The following NGLY1 variants were observed in gnomAD, a reference collection of about 807,000 sequenced individuals.
NGLY1 encodes N-glycanase 1, also known as peptide-N(4)-(N-acetyl-beta-glucosaminyl)asparagine amidase.
NGLY1 carries 68 observed loss-of-function variants against 84.6 expected under a neutral mutation model. The observed-to-expected ratio is 0.80, with a 90% CI of 0.66 to 0.98. NGLY1 has a LOEUF of 0.98. Ranked by LOEUF, NGLY1 falls within the 50% of genes least tolerant of loss-of-function variation. NGLY1 has a pLI of 0.00. For synonymous variants in NGLY1, 280 were observed against 275.2 expected (o/e 1.02, Z -0.17); for missense variants, 779 against 770.2 (o/e 1.01, Z -0.14).
Position 25,783,248 on chromosome 3 carries a change from G to A in NGLY1, c.131+12C>T, listed in dbSNP as rs368524040. 1.4e-5 allele frequency: 17 copies of A among 1,210,886 alleles called. No individual in the cohort carries two copies. Among genetic ancestry groups the A allele is most frequent in the East Asian group, 1.2e-4 (4 of 33,522 alleles). 75.0% of individuals were successfully genotyped at this position (1,210,886 alleles called of 1,614,324 possible). A position where few individuals can be genotyped will look rare whatever the true frequency, so the allele number is the denominator to read the frequency against. The stretch of plus-strand genomic sequence containing the variant: ...ACCCCGGTACCCGCCGTCCGACCCC[G>A]TTGCCCTGCACCTGAGGATGTTGTC... On this transcript the variant is annotated intron_variant, in intron 1 of 11. Transcript: ENST00000280700. The surrounding 1 kb of genome is among the most constrained non-coding windows in gnomAD (Gnocchi z 4.5).
At position 25,737,354 on chromosome 3, in the gene NGLY1, C is replaced by T. The variant is rs1705883417; in HGVS notation, c.983G>A (p.Arg328His). Residue 328 changes from arginine (R) to histidine (H), a missense_variant, in exon 6 of 12, where the codon CGC becomes CAC. Coordinates refer to ENST00000280700, the MANE Select transcript of NGLY1 (RefSeq NM_018297.4). ...TGTACCTGTGTAATCCCAAACATAG[C>T]GAGCTTCAAACCCTACAGCTCGGCA... ...LCCRAVGFEARYVWDYTDHVW... is the reference protein window; with the variant it reads ...LCCRAVGFEAHYVWDYTDHVW... 5 of 1,612,886 alleles carry T rather than the reference C, an allele frequency of 3.1e-6. No individual in the cohort carries two copies. The highest frequency in any genetic ancestry group is 1.6e-4 in the Middle Eastern group (1 of 6,074).
At position 25,783,184 on chromosome 3, in the gene NGLY1, G is replaced by T. The variant is rs1708500185; in HGVS notation, c.131+76C>A. The T allele has an allele frequency of 7.3e-7, 1 of 1,361,184 alleles. No homozygotes were observed. The highest frequency in any genetic ancestry group is 1.8e-5 in the Admixed American group (1 of 55,344). 84.3% of individuals were successfully genotyped at this position (1,361,184 alleles called of 1,614,324 possible). A position where few individuals can be genotyped will look rare whatever the true frequency, so the allele number is the denominator to read the frequency against. On this transcript the variant is annotated intron_variant, in intron 1 of 11. Transcript: ENST00000280700. The surrounding 1 kb of genome is among the most constrained non-coding windows in gnomAD (Gnocchi z 4.5). ...CTGCCCTCTGAAGCTCAGGCCGGAC[G>T]CCCCAGTCCCTGGCCGAACAAGGTG...
rs778568199 is a variant in NGLY1 at position 25,719,447 on chromosome 3, A to T, written c.*13T>A. ...CCTTGATTATTGCCAGCTTTTCTAT[A>T]ATGTTCAGGTTCTCAAAGGTCACTG... On this transcript the variant is annotated 3_prime_UTR_variant, in exon 12 of 12. Transcript: ENST00000280700. 16 of 1,610,294 alleles carry T rather than the reference A, an allele frequency of 9.9e-6. No homozygotes were observed. In the African/African-American group the frequency reaches 2.1e-4, roughly 22 times the overall value.
chr3:25,745,423 G>A (rs575888486), intron 4 of NGLY1, among the ~76,000 whole-genome samples: 3 of 152,160 alleles, frequency 2.0e-5, no homozygotes, highest in African/African-American at 7.2e-5. Flanking sequence ...ACTTCTTATC[G>A]AATTTCCAGG....
At chr3:25,730,728 A>G (rs1224103166) in intron 9 of NGLY1, among the ~76,000 whole-genome samples, 1 of 152,174 alleles carries the variant, frequency 6.6e-6, no homozygotes, top group Non-Finnish European at 1.5e-5. Context: ...CATAAAATTT[A>G]TTAGTGATAA....
chr3:25,779,133 C>T (rs1441405723), intron 1 of NGLY1, among the ~76,000 whole-genome samples: 5 of 151,838 alleles, frequency 3.3e-5, no homozygotes, highest in Admixed American at 3.3e-4. Flanking sequence ...GACAGGGTTT[C>T]ACCATGTCGA....
intron 4 of NGLY1, among the ~76,000 whole-genome samples, chr3:25,743,905 C>T (rs1321945582): frequency 6.6e-6 from 1 of 152,074 alleles, no homozygotes. Context: ...TAACTAGGGG[C>T]TCAGAGAAAT....
chr3:25,749,741 C>T (rs1706632237), intron 4 of NGLY1: 13 of 1,566,838 alleles, frequency 8.3e-6, no homozygotes, highest in South Asian at 2.2e-5. Context: ...CGTCAAGGAG[C>T]TTGAAGTGCT....
intron 7 of NGLY1, 129 bp downstream of exon 7, chr3:25,735,875 A>T: frequency 1.2e-6 from 1 of 831,178 alleles, no homozygotes; most frequent in Non-Finnish European, 1.8e-6. Context: ...TATACAAATA[A>T]AACTTATCAA....
At chr3:25,727,819 A>G (rs1202982724) in intron 10 of NGLY1, among the ~76,000 whole-genome samples, 2 of 152,284 alleles carry the variant, frequency 1.3e-5, no homozygotes, top group Admixed American at 6.5e-5. Context: ...CCCCATCATT[A>G]CTACTTTACT....
intron 1 of NGLY1, chr3:25,782,955 C>A: frequency 2.9e-6 from 1 of 340,056 alleles, no homozygotes. Flanking sequence ...TGAAGCACGC[C>A]TTCCTACCTC....
At chr3:25,750,638 T>C (rs1267377089) in intron 4 of NGLY1, among the ~76,000 whole-genome samples, 1 of 152,154 alleles carries the variant, frequency 6.6e-6, no homozygotes, top group Non-Finnish European at 1.5e-5. Context: ...TTTTGTTATA[T>C]GTATTTTACC....
intron 2 of NGLY1, among the ~76,000 whole-genome samples, chr3:25,766,476 A>G (rs889710732): frequency 6.6e-6 from 1 of 152,212 alleles, no homozygotes; most frequent in Admixed American, 6.5e-5. Flanking sequence ...TATGCTATAA[A>G]TGACTCCATC....
Position 25,729,229 on chromosome 3 carries a change from A to G in NGLY1, c.1515T>C (p.Val505=). The change falls in exon 10 of 12, where the codon GTT becomes GTC. Residue 505 remains valine, a synonymous_variant. Coordinates refer to ENST00000280700, the MANE Select transcript of NGLY1 (RefSeq NM_018297.4). ...LCYNIVKDRY[V]RVSNNNQTIS... ...TGGTTTGATTGTTATTTGAAACTCGAACATAACGATCTTTCACAATATTGT... is the reference window on the plus strand; with the variant it reads ...TGGTTTGATTGTTATTTGAAACTCGGACATAACGATCTTTCACAATATTGT... 1 of 1,560,466 alleles carries G rather than the reference A, an allele frequency of 6.4e-7. No homozygotes were observed. The highest frequency in any genetic ancestry group is 8.7e-7 in the Non-Finnish European group (1 of 1,149,234).
intron 8 of NGLY1, among the ~76,000 whole-genome samples, chr3:25,733,497 GTGTGTGTGTGTGTGTGTGTA>G (rs1378583470): frequency 1.3e-5 from 2 of 150,270 alleles, no homozygotes; most frequent in African/African-American, 4.9e-5. Flanking sequence ...GTGTGTGTGT[GTGTGTGTGTGTGTGTGTGTA>G]TGTACATACA....
intron 2 of NGLY1, among the ~76,000 whole-genome samples, chr3:25,767,838 C>T (rs891652289): frequency 6.6e-6 from 1 of 151,978 alleles, no homozygotes; most frequent in African/African-American, 2.4e-5. Flanking sequence ...AGAGGCTGGG[C>T]GGGGTGGCTC....
chr3:25,784,017 C>T (rs1312530175), upstream of NGLY1: 1 of 152,218 alleles, frequency 6.6e-6, no homozygotes, highest in Admixed American at 6.5e-5. Flanking sequence ...CATGTACCTC[C>T]CTCCTTTCCC....
intron 10 of NGLY1, among the ~76,000 whole-genome samples, chr3:25,727,191 T>G (rs1368939837): frequency 6.6e-6 from 1 of 152,192 alleles, no homozygotes; most frequent in Non-Finnish European, 1.5e-5. Context: ...CAAGTAAAGA[T>G]TCTAGTATTT....
intron 4 of NGLY1, among the ~76,000 whole-genome samples, chr3:25,747,512 G>A (rs1485625237): frequency 6.6e-6 from 1 of 152,166 alleles, no homozygotes; most frequent in Non-Finnish European, 1.5e-5. Context: ...ACAAAGGGTA[G>A]CAAAATATAT....
Sources: allele counts gnomAD v4.1 joint callset (sites outside exome capture counted in the v4.1 genomes callset), GRCh38; gene constraint gnomAD v4.1.1; non-coding constraint Gnocchi (gnomAD v3.1); transcripts MANE v1.5; gene names NCBI Gene and HGNC (gene_info 2026-07-23, HGNC 2026-07-21).